Variants in VAV3 observed in about 807,000 individuals in gnomAD.
The protein encoded by VAV3 is vav guanine nucleotide exchange factor 3.
A neutral mutation model predicts 131.2 loss-of-function variants in VAV3; 94 were observed. The ratio of observed to expected loss-of-function variants is 0.72; its 90% CI spans 0.61 to 0.85. VAV3 has a LOEUF of 0.85. Among genes scored for constraint, VAV3 ranks in the 40% least tolerant of loss-of-function variants. VAV3 has a pLI of 0.00. For missense variants in VAV3, 939 were observed against 1,002.7 expected (o/e 0.94, Z 0.86); for synonymous variants, 349 against 342.0 (o/e 1.02, Z -0.22).
In VAV3 at chr1:107,964,878, G is replaced by T. The variant is rs763273215; in HGVS notation, c.-9C>A. The T allele has an allele frequency of 6.6e-7, 1 of 1,518,350 alleles. No individual in the cohort carries two copies. Among genetic ancestry groups the T allele is most frequent in the African/African-American group, 1.4e-5 (1 of 71,062 alleles). 94.1% of individuals were successfully genotyped at this position (1,518,350 alleles called of 1,614,324 possible). A position where few individuals can be genotyped will look rare whatever the true frequency, so the allele number is the denominator to read the frequency against. On this transcript the variant is annotated 5_prime_UTR_variant, in exon 1 of 27. Coordinates refer to ENST00000370056, the MANE Select transcript of VAV3 (RefSeq NM_006113.5). ...TGCTTCCACGGCTCCATGCCCGACGGCTCCGGGACGCGGCTGGGCCGGGGC... is the reference window on the plus strand; with the variant it reads ...TGCTTCCACGGCTCCATGCCCGACGTCTCCGGGACGCGGCTGGGCCGGGGC...
chr1:107,637,430 C>T (rs1219184412), intron 20 of VAV3, among the ~76,000 whole-genome samples: 1 of 152,100 alleles, frequency 6.6e-6, no homozygotes, highest in Non-Finnish European at 1.5e-5. Flanking sequence ...TGAGACCAGC[C>T]TGGGCAACAT....
At chr1:107,609,793 G>T in intron 22 of VAV3, 138 bp downstream of exon 22, 6 of 818,768 alleles carry the variant, frequency 7.3e-6, no homozygotes, top group South Asian at 1.7e-5. Flanking sequence ...ATTCATTATG[G>T]TGTTTTGTTA....
chr1:107,770,282 TC>T lies in VAV3; in HGVS notation c.648+353del, dbSNP rs200482864. ...ACTCTTTATAAAATGCCACCAGCCC[TC>T]CCCCCCCATCACTCTCTATCTTATG... On this transcript the variant is annotated intron_variant, in intron 6 of 26. Transcript: ENST00000370056. 1.4e-3 allele frequency among the ~76,000 whole-genome samples: 205 copies of T among 150,948 alleles called. 1 individual carries two copies. Among genetic ancestry groups the T allele is most frequent in the Middle Eastern group, 3.4e-3 (1 of 292 alleles).
intron 2 of VAV3, among the ~76,000 whole-genome samples, chr1:107,793,374 C>T (rs917399689): frequency 2.0e-5 from 3 of 152,118 alleles, no homozygotes; most frequent in Admixed American, 6.5e-5. Context: ...CATTCTATTC[C>T]GTCACCTTTT....
chr1:107,593,216 T>C (rs1436488739), intron 25 of VAV3, among the ~76,000 whole-genome samples: 4 of 152,238 alleles, frequency 2.6e-5, no homozygotes, highest in South Asian at 2.1e-4. Context: ...AGATGTTACT[T>C]TGAATTTGCA....
intron 1 of VAV3, among the ~76,000 whole-genome samples, chr1:107,923,003 A>T (rs1275740088): frequency 6.6e-6 from 1 of 151,312 alleles, no homozygotes; most frequent in African/African-American, 2.4e-5. Flanking sequence ...GAGTTATCTC[A>T]GGTGTATACA....
At chr1:107,749,438 A>T (rs200669581) in intron 14 of VAV3, 24 bp downstream of exon 14, 1 of 1,579,510 alleles carries the variant, frequency 6.3e-7, no homozygotes, top group East Asian at 2.3e-5. Context: ...AGTAAATTAC[A>T]GTTATTAGTT....
intron 20 of VAV3, among the ~76,000 whole-genome samples, chr1:107,621,444 G>A (rs1409986448): frequency 6.6e-6 from 1 of 152,034 alleles, no homozygotes; most frequent in African/African-American, 2.4e-5. Context: ...TTTCTTGGTG[G>A]ATGTGTGTGG....
intron 2 of VAV3, among the ~76,000 whole-genome samples, chr1:107,850,328 C>T (rs567695368): frequency 1.1e-3 from 172 of 152,220 alleles, no homozygotes; most frequent in Non-Finnish European, 1.6e-3. Flanking sequence ...ACCTAAATGC[C>T]CATCAATGAT....
chr1:107,589,430 G>A (rs1422799144), intron 25 of VAV3, among the ~76,000 whole-genome samples: 1 of 152,162 alleles, frequency 6.6e-6, no homozygotes, highest in African/African-American at 2.4e-5. Context: ...TATAAACCAA[G>A]CCATGCCAAG....
At chr1:107,604,876 C>T (rs924098024) in intron 22 of VAV3, among the ~76,000 whole-genome samples, 1 of 152,148 alleles carries the variant, frequency 6.6e-6, no homozygotes, top group Non-Finnish European at 1.5e-5. Flanking sequence ...AAACACTGTA[C>T]CTATTTTTTA....
chr1:107,703,098 A>G (rs78264169), intron 17 of VAV3, among the ~76,000 whole-genome samples: 16,878 of 152,018 alleles, frequency 0.11, 1,271 homozygotes, highest in East Asian at 0.29. Flanking sequence ...TTCTTCACAG[A>G]TATCATCTCA....
intron 1 of VAV3, among the ~76,000 whole-genome samples, chr1:107,917,180 G>A (rs1382176429): frequency 6.6e-6 from 1 of 152,130 alleles, no homozygotes; most frequent in Non-Finnish European, 1.5e-5. Context: ...ACTGCTGCAA[G>A]AACCCACGCA....
At chr1:107,837,089 G>A (rs991557711) in intron 2 of VAV3, among the ~76,000 whole-genome samples, 5 of 150,970 alleles carry the variant, frequency 3.3e-5, no homozygotes, top group Admixed American at 2.0e-4. Flanking sequence ...AAACCTGGCA[G>A]AGAAACAATG....
At chr1:107,616,124 T>C (rs745926629) in intron 21 of VAV3, among the ~76,000 whole-genome samples, 2 of 152,108 alleles carry the variant, frequency 1.3e-5, no homozygotes, top group Non-Finnish European at 2.9e-5. Flanking sequence ...AAATATAAAT[T>C]GTTCTACAAA....
intron 20 of VAV3, among the ~76,000 whole-genome samples, chr1:107,630,070 C>T (rs574034435): frequency 8.4e-4 from 128 of 152,194 alleles, no homozygotes; most frequent in African/African-American, 2.7e-3. Context: ...TGTAACATCT[C>T]GATAAGTTTT....
intron 2 of VAV3, among the ~76,000 whole-genome samples, chr1:107,816,431 G>T (rs913279577): frequency 3.3e-5 from 5 of 152,142 alleles, no homozygotes; most frequent in African/African-American, 1.2e-4. Flanking sequence ...AATCACTATT[G>T]ATTTCTTAAT....
chr1:107,783,111 G>A (rs1665782990), intron 2 of VAV3, among the ~76,000 whole-genome samples: 2 of 152,094 alleles, frequency 1.3e-5, no homozygotes, highest in Admixed American at 6.5e-5. Flanking sequence ...AAATCATCCT[G>A]GATAGCATAA....
intron 1 of VAV3, among the ~76,000 whole-genome samples, chr1:107,892,895 G>T (rs1197516439): frequency 6.6e-6 from 1 of 152,148 alleles, no homozygotes; most frequent in South Asian, 2.1e-4. Context: ...AACAATAACT[G>T]CCCACTCCTT....
Sources: gnomAD v4.1 joint callset for allele counts (sites outside exome capture counted in the v4.1 genomes callset) on GRCh38, gnomAD v4.1.1 for gene constraint, MANE v1.5 for transcripts, NCBI Gene and HGNC (gene_info 2026-07-23, HGNC 2026-07-21) for gene names.